The following FOXN3 variants were observed in gnomAD, a reference collection of about 807,000 sequenced individuals.
FOXN3 encodes the protein forkhead box N3.
FOXN3 carries 7 observed loss-of-function variants against 38.4 expected under a neutral mutation model. The ratio of observed to expected loss-of-function variants is 0.18; its 90% confidence interval spans 0.10 to 0.34. The LOEUF is 0.34. FOXN3 is among the 10% of genes least tolerant of loss of function. The pLI is 1.00. For synonymous variants in FOXN3, 230 were observed against 242.2 expected (o/e 0.95, Z 0.47); for missense variants, 456 against 613.4 (o/e 0.74, Z 2.71).
intron 1 of FOXN3, among the ~76,000 whole-genome samples, chr14:89,513,343 G>A (rs955745183): frequency 6.7e-6 from 1 of 149,082 alleles, no homozygotes; most frequent in Non-Finnish European, 1.5e-5. Flanking sequence ...ATAGCTCTCA[G>A]CCTCCTGAGC....
At chr14:89,453,625 C>CG (rs1438762286) in intron 1 of FOXN3, among the ~76,000 whole-genome samples, 1 of 148,264 alleles carries the variant, frequency 6.7e-6, no homozygotes, top group African/African-American at 2.5e-5. Flanking sequence ...TAAATATGTA[C>CG]GACCATCGTG....
chr14:89,286,523 G>A (rs1011523154), intron 3 of FOXN3, among the ~76,000 whole-genome samples: 3 of 152,176 alleles, frequency 2.0e-5, no homozygotes, highest in Non-Finnish European at 4.4e-5. Context: ...GAGATGGACT[G>A]TGATGGCAAT....
chr14:89,347,768 A>G (rs952862204), intron 3 of FOXN3, among the ~76,000 whole-genome samples: 1 of 152,164 alleles, frequency 6.6e-6, no homozygotes, highest in Non-Finnish European at 1.5e-5. Context: ...CCTGGCCAAC[A>G]AGGTAAAACC....
chr14:89,314,973 C>A (rs1887678455), intron 3 of FOXN3, among the ~76,000 whole-genome samples: 1 of 152,106 alleles, frequency 6.6e-6, no homozygotes, highest in African/African-American at 2.4e-5. Context: ...CTCTTCACGG[C>A]TTGCAATAAA....
rs577937340 is a variant in FOXN3 at position 89,586,205 on chromosome 14, A to AAATG, written c.-15+32819_-15+32822dup. 1.4e-4 allele frequency among the ~76,000 whole-genome samples: 22 copies of AAATG among 152,302 alleles called. 1 individual carries two copies. In the South Asian group the frequency reaches 4.1e-3, roughly 29 times the overall value. ...GTATTTGCTGAATGAATGATAGAATAAATGAATGCATGGACAGGCTTCAAA... is the reference window on the plus strand; with the variant it reads ...GTATTTGCTGAATGAATGATAGAATAAATGAATGAATGCATGGACAGGCTTCAAA... On this transcript the variant is annotated intron_variant, in intron 1 of 6. Transcript: ENST00000345097.
chr14:89,558,340 G>A (rs933730555), intron 1 of FOXN3, among the ~76,000 whole-genome samples: 5 of 152,118 alleles, frequency 3.3e-5, no homozygotes, highest in Non-Finnish European at 5.9e-5. Context: ...ACCGAACCAC[G>A]AAATGGGTCA....
intron 2 of FOXN3, among the ~76,000 whole-genome samples, chr14:89,375,319 G>C (rs1366218012): frequency 6.6e-6 from 1 of 151,832 alleles, no homozygotes; most frequent in Non-Finnish European, 1.5e-5. Flanking sequence ...TTTTAAAAAA[G>C]CAAACCACAA....
At chr14:89,565,937 G>A (rs1030467948) in intron 1 of FOXN3, among the ~76,000 whole-genome samples, 4 of 152,216 alleles carry the variant, frequency 2.6e-5, no homozygotes, top group Admixed American at 2.6e-4. Flanking sequence ...TAACCTGCTA[G>A]TGTCAAGGTC....
intron 4 of FOXN3, among the ~76,000 whole-genome samples, chr14:89,248,281 C>G (rs1885353994): frequency 6.6e-6 from 1 of 152,242 alleles, no homozygotes; most frequent in South Asian, 2.1e-4. Flanking sequence ...ATAAAATACG[C>G]AGTTTACAAA....
chr14:89,439,466 T>C (rs1354899657), intron 1 of FOXN3, among the ~76,000 whole-genome samples: 8 of 152,112 alleles, frequency 5.3e-5, no homozygotes, highest in Non-Finnish European at 1.2e-4. Flanking sequence ...TCCTCACTGC[T>C]ACACTCCCAC....
intron 1 of FOXN3, among the ~76,000 whole-genome samples, chr14:89,522,821 T>C (rs1298853144): frequency 6.7e-6 from 1 of 149,604 alleles, no homozygotes; most frequent in African/African-American, 2.5e-5. Context: ...ATTGAGCCAA[T>C]ATAAAACAAA....
chr14:89,241,847 G>A (rs2139867274), intron 4 of FOXN3, among the ~76,000 whole-genome samples: 1 of 152,286 alleles, frequency 6.6e-6, no homozygotes, highest in South Asian at 2.1e-4. Flanking sequence ...GGCTCTGTTT[G>A]GGGTGTCTAT....
At chr14:89,182,630 A>G (rs1887703011) in intron 4 of FOXN3, among the ~76,000 whole-genome samples, 1 of 152,230 alleles carries the variant, frequency 6.6e-6, no homozygotes. Context: ...TGTGGTATGC[A>G]GCGAATTATC....
At chr14:89,470,691 A>T (rs1341651279) in intron 1 of FOXN3, among the ~76,000 whole-genome samples, 2 of 152,214 alleles carry the variant, frequency 1.3e-5, no homozygotes, top group African/African-American at 2.4e-5. Context: ...GGGGCCTTGA[A>T]AAACATAACT....
At chr14:89,393,182 C>G (rs144111422) in intron 2 of FOXN3, among the ~76,000 whole-genome samples, 1 of 152,132 alleles carries the variant, frequency 6.6e-6, no homozygotes, top group Non-Finnish European at 1.5e-5. Flanking sequence ...CTCAGGCAAT[C>G]CACCCACCTC....
intron 4 of FOXN3, among the ~76,000 whole-genome samples, chr14:89,213,693 A>G (rs1178686812): frequency 6.6e-6 from 1 of 152,136 alleles, no homozygotes; most frequent in Non-Finnish European, 1.5e-5. Flanking sequence ...CTTTCAGCCC[A>G]CCCTGTGTGG....
At chr14:89,338,025 T>C (rs1888515293) in intron 3 of FOXN3, among the ~76,000 whole-genome samples, 1 of 152,140 alleles carries the variant, frequency 6.6e-6, no homozygotes, top group African/African-American at 2.4e-5. Flanking sequence ...AACCTTTCTA[T>C]CCCTGGGCAG....
chr14:89,462,477 C>T (rs1402641751), intron 1 of FOXN3, among the ~76,000 whole-genome samples: 1 of 152,060 alleles, frequency 6.6e-6, no homozygotes, highest in African/African-American at 2.4e-5. Context: ...TAACAGAATC[C>T]CTGAAACTGA....
At chr14:89,483,532 C>T in intron 1 of FOXN3, among the ~76,000 whole-genome samples, 1 of 152,148 alleles carries the variant, frequency 6.6e-6, no homozygotes, top group East Asian at 1.9e-4. Flanking sequence ...CCTCAGCCTC[C>T]CAAGTTGCTG....
Sources: allele counts gnomAD v4.1 joint callset (sites outside exome capture counted in the v4.1 genomes callset), GRCh38; gene constraint gnomAD v4.1.1; transcripts MANE v1.5; gene names NCBI Gene and HGNC (gene_info 2026-07-23, HGNC 2026-07-21).